TENM3: variants seen among roughly 807,000 people sequenced by gnomAD.
TENM3 encodes teneurin-3.
In TENM3, 63 loss-of-function variants were observed where a neutral mutation model predicts 255.1. The observed-to-expected ratio is 0.25, with a 90% CI of 0.20 to 0.30. TENM3 has a LOEUF of 0.30. TENM3 is among the 10% of genes least tolerant of loss of function. The probability of loss-of-function intolerance (pLI) is 1.00; values close to 1 mark genes in which losing one functional copy is unlikely to be tolerated. For synonymous variants in TENM3, 1,306 were observed against 1,322.3 expected (o/e 0.99, Z 0.27); for missense variants, 2,929 against 3,461.1 (o/e 0.85, Z 3.86).
intron 1 of TENM3, among the ~76,000 whole-genome samples, chr4:182,213,549 C>T (rs1755196736): frequency 6.6e-6 from 1 of 152,088 alleles, no homozygotes; most frequent in South Asian, 2.1e-4. Context: ...CAATTCAATG[C>T]AATGGTGATT....
the TENM3 span, among the ~76,000 whole-genome samples, chr4:182,138,379 C>G: frequency 6.6e-6 from 1 of 152,104 alleles, no homozygotes; most frequent in Non-Finnish European, 1.5e-5. Flanking sequence ...CAATTTAACC[C>G]AGGTTAATGT....
At chr4:181,993,439 G>T in the TENM3 span, among the ~76,000 whole-genome samples, 1 of 152,130 alleles carries the variant, frequency 6.6e-6, no homozygotes, top group Non-Finnish European at 1.5e-5. Flanking sequence ...GTAATCGTGA[G>T]CAACTTCTAT....
intron 3 of TENM3, among the ~76,000 whole-genome samples, chr4:182,370,011 G>A (rs2150847951): frequency 6.6e-6 from 1 of 152,308 alleles, no homozygotes; most frequent in Admixed American, 6.5e-5. Flanking sequence ...CAGTTCACCT[G>A]GTGTCACTGG....
chr4:182,707,007 T>G lies in TENM3; in HGVS notation c.2222-7080T>G, dbSNP rs573379839. ...TCTGCTATGAGCCAGGCAGTGGGAATGCAGTGATTTACGTGGCCTAGAGTT... is the reference window on the plus strand; with the variant it reads ...TCTGCTATGAGCCAGGCAGTGGGAAGGCAGTGATTTACGTGGCCTAGAGTT... On this transcript the variant is annotated intron_variant, in intron 12 of 27. Transcript: ENST00000511685. Among the ~76,000 whole-genome samples, 3 of 151,480 alleles carry G rather than the reference T, an allele frequency of 2.0e-5. No homozygotes were observed. In the East Asian group the frequency reaches 5.8e-4, roughly 29 times the overall value.
the TENM3 span, among the ~76,000 whole-genome samples, chr4:181,649,233 T>C: frequency 1.3e-5 from 2 of 152,332 alleles, no homozygotes; most frequent in South Asian, 2.1e-4. Flanking sequence ...TGGCTCCCTA[T>C]TGCCAGAGCG....
chr4:182,310,137 TGTATTGATA>T (rs1374513474), intron 1 of TENM3, among the ~76,000 whole-genome samples: 9 of 152,224 alleles, frequency 5.9e-5, no homozygotes, highest in African/African-American at 2.2e-4. Flanking sequence ...CCTTCCCAGT[TGTATTGATA>T]TAGTTTTTTC....
At chr4:182,359,805 G>C (rs1298392502) in intron 3 of TENM3, among the ~76,000 whole-genome samples, 1 of 151,932 alleles carries the variant, frequency 6.6e-6, no homozygotes, top group Non-Finnish European at 1.5e-5. Context: ...TCTTTTAATT[G>C]TGATGTTAGG....
chr4:181,600,848 A>T, the TENM3 span, among the ~76,000 whole-genome samples: 1 of 151,992 alleles, frequency 6.6e-6, no homozygotes, highest in African/African-American at 2.4e-5. Flanking sequence ...AAAAGAAAAA[A>T]AAAAAACAAA....
intron 24 of TENM3, among the ~76,000 whole-genome samples, chr4:182,784,977 C>G (rs1478484501): frequency 6.6e-6 from 1 of 152,192 alleles, no homozygotes; most frequent in Admixed American, 6.5e-5. Context: ...TGGGATGAAC[C>G]CGGTACCTCA....
At chr4:182,328,709 C>A (rs913425568) in intron 2 of TENM3, among the ~76,000 whole-genome samples, 2 of 152,092 alleles carry the variant, frequency 1.3e-5, no homozygotes, top group Non-Finnish European at 2.9e-5. Flanking sequence ...CCAGAAACTC[C>A]CCTCTTTGGG....
upstream of TENM3, chr4:182,141,431 A>G (rs1461261127): frequency 6.6e-6 from 1 of 152,192 alleles, no homozygotes; most frequent in African/African-American, 2.4e-5. Flanking sequence ...AGCGTGTGGT[A>G]GTTTGGCACT....
At chr4:182,247,675 T>C (rs986480937) in intron 1 of TENM3, among the ~76,000 whole-genome samples, 2 of 152,204 alleles carry the variant, frequency 1.3e-5, no homozygotes, top group Admixed American at 1.3e-4. Context: ...TTTACTGAAA[T>C]GACAAATAAG....
chr4:182,788,118 G>A (rs12503577), intron 24 of TENM3, among the ~76,000 whole-genome samples: 53,487 of 152,038 alleles, frequency 0.35, 11,814 homozygotes, highest in African/African-American at 0.62. Context: ...ATATGGTTAT[G>A]TAAAATTAAG....
the TENM3 span, among the ~76,000 whole-genome samples, chr4:181,605,568 A>T: frequency 2.1e-3 from 88 of 42,192 alleles, 10 homozygotes; most frequent in Middle Eastern, 0.013. Flanking sequence ...GAAAGAAAGA[A>T]AGAGAGAGAA....
chr4:181,469,824 G>C, the TENM3 span, among the ~76,000 whole-genome samples: 1 of 151,966 alleles, frequency 6.6e-6, no homozygotes, highest in Non-Finnish European at 1.5e-5. Flanking sequence ...TGTTATACCT[G>C]AGACTCGTAT....
the TENM3 span, among the ~76,000 whole-genome samples, chr4:181,839,317 G>C: frequency 5.8e-4 from 58 of 99,612 alleles, no homozygotes; most frequent in African/African-American, 2.3e-3. Context: ...TGTCTGTATG[G>C]GTGTCTATGT....
intron 3 of TENM3, among the ~76,000 whole-genome samples, chr4:182,519,963 G>A (rs1580813202): frequency 6.6e-6 from 1 of 152,160 alleles, no homozygotes; most frequent in Non-Finnish European, 1.5e-5. Context: ...AGGATTGTTT[G>A]TAATTTTTTT....
At chr4:182,125,754 C>A in the TENM3 span, among the ~76,000 whole-genome samples, 1 of 135,426 alleles carries the variant, frequency 7.4e-6, no homozygotes, top group East Asian at 2.1e-4. Context: ...CAAGGAAAAG[C>A]CCCCTTTCCT....
Position 182,799,982 on chromosome 4 carries a change from G to A in TENM3, c.7731G>A (p.Val2577=). 2 of 1,592,064 alleles carry A rather than the reference G, an allele frequency of 1.3e-6. No individual in the cohort carries two copies. Among genetic ancestry groups the A allele is most frequent in the Non-Finnish European group, 1.7e-6 (2 of 1,170,130 alleles). The change falls in exon 28 of 28, where the codon GTG becomes GTA. Residue 2577 remains valine (V), a synonymous_variant. Coordinates refer to ENST00000511685, the MANE Select transcript of TENM3 (RefSeq NM_001080477.4). This position sits in a 1 kb window ranked among gnomAD's most constrained non-coding sequence, Gnocchi z 4.2. ...AGGCGCTGGAGAACGGCATCAACGT[G>A]ACGGTGTCGCAGTCCACCACGGTGG... The part of the protein sequence containing the change: ...GRKALENGIN[V]TVSQSTTVVN...
Sources: gnomAD v4.1 joint callset for allele counts (sites outside exome capture counted in the v4.1 genomes callset) on GRCh38, gnomAD v4.1.1 for gene constraint, Gnocchi (gnomAD v3.1) non-coding constraint, MANE v1.5 for transcripts, NCBI Gene and HGNC (gene_info 2026-07-23, HGNC 2026-07-21) for gene names.